Variants in ATL2 observed in about 807,000 individuals in gnomAD.
The protein encoded by ATL2 is atlastin-2.
Under a neutral mutation model 73.9 loss-of-function variants are expected in ATL2, and 31 were observed. The ratio of observed to expected loss-of-function variants is 0.42; its 90% CI spans 0.32 to 0.57. ATL2 has a LOEUF of 0.57. Among genes scored for constraint, ATL2 ranks in the 20% least tolerant of loss-of-function variants. The pLI, the probability that ATL2 is intolerant of heterozygous loss-of-function variation, is 0.14. For missense variants in ATL2, 738 were observed against 702.6 expected (o/e 1.05, Z -0.57); for synonymous variants, 291 against 237.5 (o/e 1.23, Z -2.07).
chr2:38,367,348 A>G (rs1233389054), intron 1 of ATL2, among the ~76,000 whole-genome samples: 1 of 151,668 alleles, frequency 6.6e-6, no homozygotes, highest in Non-Finnish European at 1.5e-5. Flanking sequence ...TCATGCCTAT[A>G]ATCTCAGCAC....
At chr2:38,319,118 C>G in intron 2 of ATL2, 99 bp from the exon 3 acceptor site, 4 of 1,288,324 alleles carry the variant, frequency 3.1e-6, no homozygotes, top group Non-Finnish European at 2.2e-6. Flanking sequence ...GGAAGCTAAA[C>G]CCGGAAAGAC....
intron 2 of ATL2, among the ~76,000 whole-genome samples, chr2:38,333,038 A>G (rs371199219): frequency 1.3e-5 from 2 of 152,162 alleles, no homozygotes; most frequent in East Asian, 3.8e-4. Context: ...AAGAAAAAGA[A>G]AAAGAGAAAG....
chr2:38,375,367 T>G (rs1671901302), intron 1 of ATL2, among the ~76,000 whole-genome samples: 1 of 152,226 alleles, frequency 6.6e-6, no homozygotes, highest in African/African-American at 2.4e-5. Flanking sequence ...GGCAATCATT[T>G]GCTAGGAATG....
intron 1 of ATL2, among the ~76,000 whole-genome samples, chr2:38,357,362 C>CTA (rs916738004): frequency 2.0e-5 from 3 of 150,550 alleles, no homozygotes; most frequent in African/African-American, 2.4e-5. Flanking sequence ...TTTATAGTTA[C>CTA]TATATATATG....
intron 1 of ATL2, among the ~76,000 whole-genome samples, chr2:38,362,148 G>A (rs537071984): frequency 6.6e-6 from 1 of 151,954 alleles, no homozygotes. Context: ...AATAAGAATA[G>A]GTTTAAAGGG....
At chr2:38,313,494 G>GT (rs2148426807) in intron 6 of ATL2, among the ~76,000 whole-genome samples, 1 of 152,194 alleles carries the variant, frequency 6.6e-6, no homozygotes, top group South Asian at 2.1e-4. Flanking sequence ...ACCACAAGCA[G>GT]TAATACAGGA....
chr2:38,370,650 C>A (rs574853022), intron 1 of ATL2, among the ~76,000 whole-genome samples: 1 of 152,038 alleles, frequency 6.6e-6, no homozygotes, highest in South Asian at 2.1e-4. Flanking sequence ...GCCTGTAGTC[C>A]CAGCTACTTG....
intron 1 of ATL2, among the ~76,000 whole-genome samples, chr2:38,376,752 A>T (rs371293341): frequency 2.0e-5 from 3 of 151,878 alleles, no homozygotes; most frequent in African/African-American, 7.2e-5. Context: ...CCGCGTCCGG[A>T]GCTCGCCGGA....
At chr2:38,308,114 A>T (rs1357307976) in intron 9 of ATL2, among the ~76,000 whole-genome samples, 1 of 152,218 alleles carries the variant, frequency 6.6e-6, no homozygotes, top group East Asian at 1.9e-4. Context: ...GTATATACCC[A>T]AAAGAAAAAA....
rs1291596323 is a variant in ATL2, at chr2:38,295,324, A to G, written c.*670T>C. On this transcript the variant is annotated 3_prime_UTR_variant, in exon 13 of 13. Transcript: ENST00000378954. ...TTTCTTCCCCAATAAAATTAATGGC[A>G]TATTTTATATACATGAAGGCTAAAC... The G allele has an allele frequency of 2.0e-5, 3 of 152,258 alleles. No homozygotes were observed. The highest frequency in any genetic ancestry group is 7.2e-5 in the African/African-American group (3 of 41,468). 9.4% of individuals were successfully genotyped at this position (152,258 alleles called of 1,614,324 possible). A position where few individuals can be genotyped will look rare whatever the true frequency, so the allele number is the denominator to read the frequency against.
intron 8 of ATL2, 60 bp from the exon 9 acceptor site, chr2:38,309,566 C>T (rs1667636408): frequency 7.3e-6 from 11 of 1,497,548 alleles, no homozygotes; most frequent in Non-Finnish European, 8.1e-6. Flanking sequence ...CCCACTGGTA[C>T]GATTTCATAA....
chr2:38,309,434 T>C lies in ATL2; in HGVS notation c.1016A>G (p.Glu339Gly). 7 of 1,612,726 alleles carry C rather than the reference T, an allele frequency of 4.3e-6. No individual in the cohort carries two copies. Among genetic ancestry groups the C allele is most frequent in the South Asian group, 1.1e-5 (1 of 91,042 alleles). ...PLLLAPENLV[E>G]KEISGSKVTC... ...GACTTTAGATCCACTTATCTCTTTT[T>C]CTACCAAATTTTCAGGGGCAAGCAG... Residue 339 changes from glutamate to glycine, a missense_variant, in exon 9 of 13, where the codon GAA (glutamate) becomes GGA (glycine). By Grantham distance (98) the Glu-to-Gly change is moderately conservative (BLOSUM62 -2). Coordinates refer to ENST00000378954, the MANE Select transcript of ATL2 (RefSeq NM_001135673.4).
At chr2:38,373,867 T>C (rs1270795517) in intron 1 of ATL2, among the ~76,000 whole-genome samples, 1 of 152,204 alleles carries the variant, frequency 6.6e-6, no homozygotes, top group African/African-American at 2.4e-5. Context: ...TGCCATCATA[T>C]TTTCAGGTTG....
At chr2:38,376,520 C>A (rs572436545) in intron 1 of ATL2, 145 of 178,238 alleles carry the variant, frequency 8.1e-4, no homozygotes, top group African/African-American at 3.2e-3. Flanking sequence ...CGAATGGGTT[C>A]GGGAGCCGAG....
chr2:38,319,363 C>G (rs898413351), intron 2 of ATL2, among the ~76,000 whole-genome samples: 1 of 152,216 alleles, frequency 6.6e-6, no homozygotes, highest in African/African-American at 2.4e-5. Context: ...CTTTGGGAGG[C>G]TGAAGTGGGC....
At chr2:38,300,409 A>G in intron 9 of ATL2, 81 bp from the exon 10 acceptor site, 3 of 937,236 alleles carry the variant, frequency 3.2e-6, no homozygotes, top group Non-Finnish European at 5.1e-6. Context: ...GTCATTAAAT[A>G]TAAAAATAAT....
rs182114189 is a variant in ATL2, at chr2:38,314,528, G to A, written c.711+80C>T. 3,354 of 946,966 alleles carry A rather than the reference G, an allele frequency of 3.5e-3. 12 individuals carry two copies. The highest frequency in any genetic ancestry group is 5.9e-3 in the Admixed American group (293 of 50,018). The allele number at this position is 946,966 out of a possible 1,614,324, so 58.7% of individuals were successfully genotyped here. ...GCAATGAGTCTATTGTAATATCCTG[G>A]TGTCTCCAAAATTACAAACTGAGGT... is the stretch of plus-strand genomic sequence containing the variant. On this transcript the variant is annotated intron_variant, in intron 6 of 12. Transcript: ENST00000378954.
At chr2:38,377,475 C>G (rs1367119959), upstream of ATL2, among the ~76,000 whole-genome samples, 5 of 151,398 alleles carry the variant, frequency 3.3e-5, no homozygotes, top group African/African-American at 1.2e-4. Flanking sequence ...CGCCCTCGCC[C>G]TGCCCGCCTG....
At position 38,296,039 on chromosome 2, in the gene ATL2, G is replaced by A; in HGVS notation, c.1707C>T (p.Gly569=). ...CATGATGAGACACCTGGTCAGTCAG[G>A]CCTGCTTTGATAGAGTTTGTTACAG... ...RQSVTNSIKA[G]LTDQVSHHAR... is the part of the protein sequence containing the mutation. The change falls in exon 13 of 13, where the codon GGC becomes GGT. Residue 569 remains glycine, a synonymous_variant. Coordinates refer to ENST00000378954, the MANE Select transcript of ATL2 (RefSeq NM_001135673.4). 6.4e-7 allele frequency: 1 copy of A among 1,551,772 alleles called. No homozygotes were observed. Among genetic ancestry groups the A allele is most frequent in the Non-Finnish European group, 8.7e-7 (1 of 1,146,864 alleles).
Sources: gnomAD v4.1 joint callset for allele counts (sites outside exome capture counted in the v4.1 genomes callset) on GRCh38, gnomAD v4.1.1 for gene constraint, MANE v1.5 for transcripts, NCBI Gene and HGNC (gene_info 2026-07-23, HGNC 2026-07-21) for gene names.